CSNK2A2IP: variants seen among roughly 807,000 people sequenced by gnomAD.
The protein encoded by CSNK2A2IP is casein kinase 2 subunit alpha' interacting protein.
chr3:88,431,893 C>T, the CSNK2A2IP span, among the ~76,000 whole-genome samples: 3 of 152,004 alleles, frequency 2.0e-5, no homozygotes, highest in African/African-American at 7.2e-5. Flanking sequence ...AGAAGAGGTC[C>T]TATTGATAGT....
chr3:88,449,209 T>A, the CSNK2A2IP span, among the ~76,000 whole-genome samples: 1 of 152,180 alleles, frequency 6.6e-6, no homozygotes, highest in Non-Finnish European at 1.5e-5. Context: ...TTTCAATTCT[T>A]CAAAGCATGG....
the CSNK2A2IP span, among the ~76,000 whole-genome samples, chr3:88,393,308 T>C: frequency 6.6e-6 from 1 of 152,214 alleles, no homozygotes; most frequent in Non-Finnish European, 1.5e-5. Context: ...AATAGTTAGA[T>C]ATTTCTCAAC....
chr3:88,381,977 C>T, the CSNK2A2IP span, among the ~76,000 whole-genome samples: 2 of 152,146 alleles, frequency 1.3e-5, no homozygotes, highest in Non-Finnish European at 2.9e-5. Context: ...CTTGTTCTGA[C>T]CAGGAGATCA....
chr3:88,434,190 A>T, the CSNK2A2IP span, among the ~76,000 whole-genome samples: 1 of 152,102 alleles, frequency 6.6e-6, no homozygotes, highest in African/African-American at 2.4e-5. Flanking sequence ...CAAAGTGACA[A>T]GAAGTATTCG....
the CSNK2A2IP span, among the ~76,000 whole-genome samples, chr3:88,373,178 A>T: frequency 6.6e-6 from 1 of 151,452 alleles, no homozygotes; most frequent in South Asian, 2.1e-4. Context: ...AGTAGAATAT[A>T]TTTCTCTTCA....
chr3:88,398,344 T>A, the CSNK2A2IP span, among the ~76,000 whole-genome samples: 1 of 152,124 alleles, frequency 6.6e-6, no homozygotes, highest in African/African-American at 2.4e-5. Context: ...TGTTTTATCA[T>A]GTGAACAAGA....
chr3:88,431,063 G>T, the CSNK2A2IP span: 4 of 152,302 alleles, frequency 2.6e-5, no homozygotes, highest in African/African-American at 7.2e-5. Context: ...CATAAAATTT[G>T]AGATAAATGA....
chr3:88,380,978 T>C, the CSNK2A2IP span, among the ~76,000 whole-genome samples: 1 of 152,206 alleles, frequency 6.6e-6, no homozygotes. Context: ...TCTTTATACA[T>C]GTGTAAACAG....
chr3:88,417,345 G>A, the CSNK2A2IP span, among the ~76,000 whole-genome samples: 8 of 152,130 alleles, frequency 5.3e-5, no homozygotes. Flanking sequence ...AAGGTCGCCT[G>A]GGAGCTGGAA....
the CSNK2A2IP span, among the ~76,000 whole-genome samples, chr3:88,464,568 A>AG: frequency 6.6e-6 from 1 of 152,058 alleles, no homozygotes; most frequent in African/African-American, 2.4e-5. Flanking sequence ...TATAGTCAAA[A>AG]GTTTCAATGC....
At chr3:88,415,600 G>A in the CSNK2A2IP span, among the ~76,000 whole-genome samples, 1 of 151,792 alleles carries the variant, frequency 6.6e-6, no homozygotes, top group Non-Finnish European at 1.5e-5. Context: ...TAAGAGTGGG[G>A]AGGGGGCGGG....
chr3:88,343,767 AT>A, the CSNK2A2IP span, among the ~76,000 whole-genome samples: 2 of 151,794 alleles, frequency 1.3e-5, no homozygotes, highest in African/African-American at 2.4e-5. Flanking sequence ...TTAAATCCAG[AT>A]TTTTTTCTCT....
At chr3:88,467,541 C>A in the CSNK2A2IP span, 1 of 398,448 alleles carries the variant, frequency 2.5e-6, no homozygotes, top group South Asian at 1.3e-4. Flanking sequence ...ACACACTGTT[C>A]AAATTTTTCC....
At chr3:88,445,375 G>A in the CSNK2A2IP span, among the ~76,000 whole-genome samples, 28 of 150,942 alleles carry the variant, frequency 1.9e-4, no homozygotes, top group Middle Eastern at 3.5e-3. Flanking sequence ...GCTTGAGCTC[G>A]GGAGGCATAG....
the CSNK2A2IP span, among the ~76,000 whole-genome samples, chr3:88,417,142 A>G: frequency 5.9e-5 from 9 of 152,174 alleles, no homozygotes; most frequent in East Asian, 1.5e-3. Context: ...TTTAGTTTAT[A>G]TACTGCGTTG....
the CSNK2A2IP span, among the ~76,000 whole-genome samples, chr3:88,425,103 T>C: frequency 1.3e-5 from 2 of 152,062 alleles, no homozygotes; most frequent in Admixed American, 6.6e-5. Flanking sequence ...ATTATTCTTC[T>C]AAATAATCTT....
the CSNK2A2IP span, among the ~76,000 whole-genome samples, chr3:88,350,208 A>T: frequency 2.6e-5 from 4 of 152,022 alleles, no homozygotes; most frequent in African/African-American, 9.7e-5. Flanking sequence ...TCCCTTTCTC[A>T]TGAAACTCAT....
chr3:88,432,599 C>A, the CSNK2A2IP span, among the ~76,000 whole-genome samples: 12 of 151,378 alleles, frequency 7.9e-5, no homozygotes, highest in Non-Finnish European at 1.6e-4. Flanking sequence ...ATAAGTATAT[C>A]AAAACATGCT....
At chr3:88,445,404 C>G in the CSNK2A2IP span, among the ~76,000 whole-genome samples, 1 of 150,986 alleles carries the variant, frequency 6.6e-6, no homozygotes, top group African/African-American at 2.4e-5. Context: ...GATCAAATCA[C>G]TGCACTCTAG....
Sources: allele counts gnomAD v4.1 joint callset (sites outside exome capture counted in the v4.1 genomes callset), GRCh38; gene constraint gnomAD v4.1.1; transcripts MANE v1.5; gene names NCBI Gene and HGNC (gene_info 2026-07-23, HGNC 2026-07-21).